Variants in POTEC observed in about 807,000 individuals in gnomAD.
POTEC encodes the protein POTE ankyrin domain family member C, also known as ANKRD26-like family B member 2.
A neutral mutation model predicts 62.0 loss-of-function variants in POTEC; 35 were observed. That is an observed-to-expected ratio of 0.56 (90% CI 0.43 to 0.75). The LOEUF is 0.75. POTEC is among the 30% of genes least tolerant of loss of function. The pLI is 0.00. For synonymous variants in POTEC, 156 were observed against 221.5 expected (o/e 0.70, Z 2.62); for missense variants, 472 against 655.9 (o/e 0.72, Z 3.06).
intron 9 of POTEC, among the ~76,000 whole-genome samples, chr18:14,519,934 G>A (rs886310494): frequency 1.3e-5 from 2 of 152,016 alleles, no homozygotes; most frequent in Non-Finnish European, 2.9e-5. Context: ...AAATATTGCT[G>A]ACAGATTAAA....
intron 7 of POTEC, among the ~76,000 whole-genome samples, chr18:14,524,371 A>G (rs896355411): frequency 2.6e-5 from 4 of 152,184 alleles, no homozygotes; most frequent in African/African-American, 9.6e-5. Context: ...CCTTGGTATC[A>G]GTGACTGACA....
intron 3 of POTEC, among the ~76,000 whole-genome samples, chr18:14,536,065 C>A (rs1905702774): frequency 1.3e-5 from 2 of 150,834 alleles, no homozygotes; most frequent in African/African-American, 4.9e-5. Context: ...CCCAGGAGTT[C>A]AAGATCAGCC....
chr18:14,523,859 A>G (rs1399043759), intron 7 of POTEC, among the ~76,000 whole-genome samples: 2 of 152,108 alleles, frequency 1.3e-5, no homozygotes, highest in African/African-American at 4.8e-5. Context: ...TCTACCAAAA[A>G]TGAATTAGCA....
rs1905811317 is a variant in POTEC, at chr18:14,538,144, A to C, written c.627T>G (p.Ala209=). 6.2e-7 allele frequency: 1 copy of C among 1,609,688 alleles called. No homozygotes were observed. Among genetic ancestry groups the C allele is most frequent in the African/African-American group, 1.3e-5 (1 of 74,700 alleles). ...LNVLDNKKRT[A]LIKAVQCQED... is the part of the protein sequence containing the mutation. Reference sequence around the variant, plus strand: ...GTTGACTACTGCATACCTTTATCAGAGCTGTCCTTTTTTTGTTGTCAAGGA... The same window carrying C: ...GTTGACTACTGCATACCTTTATCAGCGCTGTCCTTTTTTTGTTGTCAAGGA... The change falls in exon 2 of 11, where the codon GCT becomes GCG. Residue 209 remains alanine (A), a synonymous_variant. Transcript: ENST00000358970.
chr18:14,535,658 A>T (rs1414569277), intron 3 of POTEC, among the ~76,000 whole-genome samples: 2 of 151,980 alleles, frequency 1.3e-5, no homozygotes, highest in Admixed American at 1.3e-4. Flanking sequence ...ATCCTGATTA[A>T]GCCAAAGCTC....
chr18:14,542,856 C>G lies in POTEC; in HGVS notation c.291G>C (p.Lys97Asn). 2 of 1,308,532 alleles carry G rather than the reference C, an allele frequency of 1.5e-6. No homozygotes were observed. The highest frequency in any genetic ancestry group is 1.1e-6 in the Non-Finnish European group (1 of 937,744). The allele number at this position is 1,308,532 out of a possible 1,614,324, so 81.1% of individuals were successfully genotyped here. ...DNSFMKTLRS[K>N]MGKWCCHCFP... ...AGCAGTGACAGCACCACTTGCCCATCTTGCTCCTGAGCGTCTTCATAAAGG... is the reference window on the plus strand; with the variant it reads ...AGCAGTGACAGCACCACTTGCCCATGTTGCTCCTGAGCGTCTTCATAAAGG... The change falls in exon 1 of 11, where the codon AAG (lysine) becomes AAC (asparagine). Residue 97 changes from lysine (K) to asparagine (N), a missense_variant. This residue lies in a region of POTEC where 257 missense variants were observed against 250.7 expected (regional missense o/e 1.03). Coordinates refer to ENST00000358970, the MANE Select transcript of POTEC (RefSeq NM_001137671.2).
chr18:14,518,037 T>C (rs1398631262), intron 9 of POTEC, among the ~76,000 whole-genome samples: 1 of 152,186 alleles, frequency 6.6e-6, no homozygotes, highest in Non-Finnish European at 1.5e-5. Flanking sequence ...AAAACAATTT[T>C]AAAAATGCAC....
rs1330427990 is a variant in POTEC at position 14,534,894 on chromosome 18, A to G, written c.917+7T>C. The G allele has an allele frequency of 1.9e-6, 3 of 1,555,956 alleles. No homozygotes were observed. Among genetic ancestry groups the G allele is most frequent in the Non-Finnish European group, 1.7e-6 (2 of 1,153,518 alleles). On this transcript the variant is annotated splice_region_variant and intron_variant, in intron 4 of 10. Coordinates refer to ENST00000358970, the MANE Select transcript of POTEC (RefSeq NM_001137671.2). The stretch of plus-strand genomic sequence containing the variant: ...AACAACACACAGATTAAAAGAAATA[A>G]CCATACCTTCCATATCTATCAAGTG...
Position 14,509,157 on chromosome 18 carries a change from C to T in POTEC, c.*2741G>A, listed in dbSNP as rs887292289. On this transcript the variant is annotated 3_prime_UTR_variant, in exon 11 of 11. Transcript: ENST00000358970. ...AGAATGCTAGCAGATGCAAAAGTCC[C>T]TGCCTCCCTGTGGGCATTCACCCAG... 6.6e-6 allele frequency: 1 copy of T among 152,308 alleles called. No individual in the cohort carries two copies. Among genetic ancestry groups the T allele is most frequent in the African/African-American group, 2.4e-5 (1 of 41,458 alleles). The allele number at this position is 152,308 out of a possible 1,614,324, so 9.4% of individuals were successfully genotyped here.
At chr18:14,514,530 C>G (rs941362846) in intron 9 of POTEC, among the ~76,000 whole-genome samples, 2 of 152,210 alleles carry the variant, frequency 1.3e-5, no homozygotes, top group Non-Finnish European at 1.5e-5. Context: ...AATTTATAGA[C>G]AACTTAGAAA....
chr18:14,542,779 T>C lies in POTEC; in HGVS notation c.368A>G (p.Tyr123Cys). The C allele has an allele frequency of 6.2e-7, 1 of 1,613,792 alleles. No homozygotes were observed. The highest frequency in any genetic ancestry group is 8.5e-7 in the Non-Finnish European group (1 of 1,179,866). The change falls in exon 1 of 11, where the codon TAC (tyrosine) becomes TGC (cysteine). Residue 123 changes from tyrosine (Y) to cysteine (C), a missense_variant. Physicochemically the swap from Tyr to Cys is radical, Grantham distance 194 (BLOSUM62 -2). Around this residue, in one of 5 missense-constraint regions of POTEC, gnomAD observed 257 missense variants for 250.7 expected, o/e 1.03. Coordinates refer to ENST00000358970, the MANE Select transcript of POTEC (RefSeq NM_001137671.2). ...GKSNVGAWGD[Y>C]DDSAFMEPRY... is the part of the protein sequence containing the mutation. ...CGGCTCCATGAAGGCGCTGTCGTCG[T>C]AGTCTCCCCAAGCGCCCACGTTGCT...
rs1910004962 is a variant in POTEC, at chr18:14,511,458, G to C, written c.*440C>G. The C allele has an allele frequency of 3.3e-6, 1 of 299,108 alleles. No individual in the cohort carries two copies. Among genetic ancestry groups the C allele is most frequent in the Non-Finnish European group, 6.4e-6 (1 of 156,608 alleles). 18.5% of individuals were successfully genotyped at this position (299,108 alleles called of 1,614,324 possible). A position where few individuals can be genotyped will look rare whatever the true frequency, so the allele number is the denominator to read the frequency against. On this transcript the variant is annotated 3_prime_UTR_variant, in exon 11 of 11. Coordinates refer to ENST00000358970, the MANE Select transcript of POTEC (RefSeq NM_001137671.2). ...CTCTCAGAATTTATCCTGTGTGATG[G>C]AGCTTAATTTTTAGGTTGTTAATTT... is the stretch of plus-strand genomic sequence containing the variant.
intron 3 of POTEC, 64 bp downstream of exon 3, chr18:14,537,737 A>T: frequency 6.3e-7 from 1 of 1,585,622 alleles, no homozygotes; most frequent in Non-Finnish European, 8.6e-7. Flanking sequence ...ACTGGCCCTT[A>T]CACAGGTCAA....
Position 14,542,958 on chromosome 18 carries a change from C to T in POTEC, c.189G>A (p.Lys63=), listed in dbSNP as rs758012700. The part of the protein sequence containing the change: ...FMKMLRSKMG[K]CCHHCFPCCR... ...AGCAGGGGAAGCAGTGGTGGCAACA[C>T]TTGCCCATCTTGCTCCTGAGCATCT... The change falls in exon 1 of 11, where the codon AAG becomes AAA. Residue 63 remains lysine (K), a synonymous_variant. Transcript: ENST00000358970. 2 of 1,573,688 alleles carry T rather than the reference C, an allele frequency of 1.3e-6. No homozygotes were observed. Among genetic ancestry groups the T allele is most frequent in the Non-Finnish European group, 1.7e-6 (2 of 1,156,982 alleles).
At position 14,509,501 on chromosome 18, in the gene POTEC, C is replaced by A. The variant is rs903930494; in HGVS notation, c.*2397G>T. 1 of 151,896 alleles carries A rather than the reference C, an allele frequency of 6.6e-6. No homozygotes were observed. Among genetic ancestry groups the A allele is most frequent in the South Asian group, 2.1e-4 (1 of 4,820 alleles). The allele number at this position is 151,896 out of a possible 1,614,324, so 9.4% of individuals were successfully genotyped here. A position where few individuals can be genotyped will look rare whatever the true frequency, so the allele number is the denominator to read the frequency against. On this transcript the variant is annotated 3_prime_UTR_variant, in exon 11 of 11. Coordinates refer to ENST00000358970, the MANE Select transcript of POTEC (RefSeq NM_001137671.2). ...CTGTTAGGGCAAGTACAACAAAACC[C>A]ACCTGTGTAAACACACACAGCAAAG...
chr18:14,539,593 G>A (rs1434881154), intron 1 of POTEC, among the ~76,000 whole-genome samples: 2 of 150,004 alleles, frequency 1.3e-5, no homozygotes, highest in African/African-American at 5.0e-5. Context: ...CCATGTCCCT[G>A]CAAAGGACAG....
chr18:14,537,130 C>T (rs1233689537), intron 3 of POTEC, among the ~76,000 whole-genome samples: 1 of 143,454 alleles, frequency 7.0e-6, no homozygotes, highest in African/African-American at 2.6e-5. Context: ...TGGAAAAGAA[C>T]CCTGTCTCAC....
intron 9 of POTEC, among the ~76,000 whole-genome samples, chr18:14,518,230 C>T (rs1219345245): frequency 6.6e-6 from 1 of 151,776 alleles, no homozygotes; most frequent in African/African-American, 2.4e-5. Context: ...AAATAAAAAC[C>T]CTATTCATGA....
rs748278500 is a variant in POTEC at position 14,513,791 on chromosome 18, A to G, written c.1410-6T>C. 1 of 1,606,438 alleles carries G rather than the reference A, an allele frequency of 6.2e-7. No homozygotes were observed. Among genetic ancestry groups the G allele is most frequent in the Non-Finnish European group, 8.5e-7 (1 of 1,178,496 alleles). On this transcript the variant is annotated splice_polypyrimidine_tract_variant and splice_region_variant and intron_variant, in intron 9 of 10. Transcript: ENST00000358970. Reference sequence around the variant, plus strand: ...GGGTATCATTTTGTTCGTCACTAGAAGAAATTTTAATTTTCATGAAATACT... The same window carrying G: ...GGGTATCATTTTGTTCGTCACTAGAGGAAATTTTAATTTTCATGAAATACT...
Sources: gnomAD v4.1 joint callset for allele counts (sites outside exome capture counted in the v4.1 genomes callset) on GRCh38, gnomAD v4.1.1 for gene constraint, gnomAD v4.1.1 regional missense constraint, MANE v1.5 for transcripts, NCBI Gene and HGNC (gene_info 2026-07-23, HGNC 2026-07-21) for gene names.